The following CDYL variants were observed in gnomAD, a reference collection of about 807,000 sequenced individuals.
The protein encoded by CDYL is chromodomain Y like.
A neutral mutation model predicts 47.3 loss-of-function variants in CDYL; 8 were observed. The ratio of observed to expected loss-of-function variants is 0.17; its 90% CI spans 0.10 to 0.31. The LOEUF is 0.31. Ranked by LOEUF, CDYL falls within the 10% of genes least tolerant of loss-of-function variation. The pLI is 1.00. For synonymous variants in CDYL, 266 were observed against 265.0 expected, an observed-to-expected ratio of 1.00 and a Z score of -0.04; for missense variants, 471 against 701.4, an observed-to-expected ratio of 0.67 and a Z score of 3.71.
At chr6:4,739,212 A>T (rs914197871) in intron 3 of CDYL, among the ~76,000 whole-genome samples, 3 of 150,406 alleles carry the variant, frequency 2.0e-5, no homozygotes, top group African/African-American at 7.4e-5. Flanking sequence ...AAAATAAAAT[A>T]AAATAAAATA....
intron 1 of CDYL, among the ~76,000 whole-genome samples, chr6:4,801,300 A>G (rs1759218419): frequency 6.6e-6 from 1 of 152,126 alleles, no homozygotes; most frequent in Non-Finnish European, 1.5e-5. Context: ...CATGTTTTTC[A>G]GACGTTTTTG....
intron 2 of CDYL, among the ~76,000 whole-genome samples, chr6:4,927,183 C>T (rs564433743): frequency 6.6e-6 from 1 of 152,208 alleles, no homozygotes; most frequent in East Asian, 1.9e-4. Flanking sequence ...AACATATCCT[C>T]ATGTACTTTC....
At position 4,721,374 on chromosome 6, in the gene CDYL, G is replaced by A. The variant is rs537090860; in HGVS notation, c.103+5493G>A. Among the ~76,000 whole-genome samples, 11 of 151,978 alleles carry A rather than the reference G, an allele frequency of 7.2e-5. No homozygotes were observed. In the South Asian group the frequency reaches 1.7e-3, roughly 23 times the overall value. ...ACTTTTCTGGGGGAGGGGAGGGGAG[G>A]GGTGTTGTTTTTCTATTTTTGTTTT... On this transcript the variant is annotated intron_variant, in intron 2 of 8. Coordinates refer to the CDYL transcript ENST00000328908.
chr6:4,715,547 T>G lies in CDYL; in HGVS notation c.-38-194T>G, dbSNP rs139081839. 2.9e-3 allele frequency among the ~76,000 whole-genome samples: 443 copies of G among 152,338 alleles called. 3 individuals carry two copies. Among genetic ancestry groups the G allele is most frequent in the African/African-American group, 9.3e-3 (386 of 41,564 alleles). ...GACTACTTTAAACATTGCTTTTTATTCCTTATCATTTTAAATGTGTTGCTA... is the reference window on the plus strand; with the variant it reads ...GACTACTTTAAACATTGCTTTTTATGCCTTATCATTTTAAATGTGTTGCTA... On this transcript the variant is annotated intron_variant, in intron 1 of 8. Transcript: ENST00000328908.
At chr6:4,716,976 C>G (rs1033159968) in intron 2 of CDYL, among the ~76,000 whole-genome samples, 1 of 152,092 alleles carries the variant, frequency 6.6e-6, no homozygotes, top group African/African-American at 2.4e-5. Context: ...GATTACATCT[C>G]ATTGGGAAAG....
At chr6:4,876,840 T>A (rs1040862654) in intron 1 of CDYL, among the ~76,000 whole-genome samples, 3 of 152,196 alleles carry the variant, frequency 2.0e-5, no homozygotes, top group African/African-American at 7.2e-5. Flanking sequence ...AGAGGTAGAA[T>A]GCTGTGTTCT....
chr6:4,732,744 C>T (rs9405774), intron 2 of CDYL, among the ~76,000 whole-genome samples: 20,122 of 150,718 alleles, frequency 0.13, 1,740 homozygotes, highest in African/African-American at 0.25. Flanking sequence ...TAAGAAAAAA[C>T]AAGGAGAAAG....
intron 1 of CDYL, among the ~76,000 whole-genome samples, chr6:4,783,457 C>T (rs1249050809): frequency 6.7e-6 from 1 of 150,126 alleles, no homozygotes; most frequent in African/African-American, 2.5e-5. Flanking sequence ...ACTCTTGTCG[C>T]CCAGGCTGGA....
chr6:4,860,072 T>G (rs1476199552), intron 1 of CDYL, among the ~76,000 whole-genome samples: 1 of 151,834 alleles, frequency 6.6e-6, no homozygotes, highest in African/African-American at 2.4e-5. Flanking sequence ...CAGCTAATTT[T>G]TTGTATTTTT....
intron 4 of CDYL, among the ~76,000 whole-genome samples, chr6:4,940,895 G>A (rs1172770172): frequency 1.3e-5 from 2 of 152,210 alleles, no homozygotes; most frequent in Non-Finnish European, 1.5e-5. Flanking sequence ...ATTCAAATGA[G>A]AGAGACCTCA....
At chr6:4,792,932 C>A (rs970533110) in intron 1 of CDYL, among the ~76,000 whole-genome samples, 10 of 152,246 alleles carry the variant, frequency 6.6e-5, no homozygotes, top group African/African-American at 2.2e-4. Flanking sequence ...AGTAAATAGA[C>A]CATCTCTCCC....
At position 4,935,780 on chromosome 6, in the gene CDYL, C is replaced by T. The variant is rs73350313; in HGVS notation, c.948+9C>T. 13 of 1,612,538 alleles carry T rather than the reference C, an allele frequency of 8.1e-6. 1 individual carries two copies. Among genetic ancestry groups the T allele is most frequent in the South Asian group, 5.5e-5 (5 of 91,044 alleles). On this transcript the variant is annotated intron_variant, in intron 3 of 6. Coordinates refer to ENST00000397588, the MANE Select transcript of CDYL (RefSeq NM_004824.4). ...ACTCACTAAATCCAGAGGTGAGAGGCGCTCTTGGGCTGGCGTGGGCTTCGC... is the reference window on the plus strand; with the variant it reads ...ACTCACTAAATCCAGAGGTGAGAGGTGCTCTTGGGCTGGCGTGGGCTTCGC...
At chr6:4,724,843 A>C (rs1352992963) in intron 2 of CDYL, 1 of 152,202 alleles carries the variant, frequency 6.6e-6, no homozygotes, top group East Asian at 1.9e-4. Context: ...AGAGCAAAAA[A>C]ATAAAGCTTC....
intron 2 of CDYL, among the ~76,000 whole-genome samples, chr6:4,912,226 G>T (rs1424910206): frequency 4.3e-5 from 1 of 23,380 alleles, no homozygotes; most frequent in Non-Finnish European, 1.0e-4. Context: ...CTGTTTCCAA[G>T]TTGGGAATTT....
At chr6:4,895,663 A>C (rs1437651239) in intron 2 of CDYL, among the ~76,000 whole-genome samples, 1 of 152,034 alleles carries the variant, frequency 6.6e-6, no homozygotes. Context: ...TTTTGGTTGG[A>C]GACCACCTCC....
intron 1 of CDYL, among the ~76,000 whole-genome samples, chr6:4,790,309 T>G (rs1404081246): frequency 6.6e-6 from 1 of 152,246 alleles, no homozygotes; most frequent in African/African-American, 2.4e-5. Context: ...TAATACTATG[T>G]GTAAGTGACC....
intron 1 of CDYL, among the ~76,000 whole-genome samples, chr6:4,808,450 A>G (rs1759433797): frequency 6.6e-6 from 1 of 152,188 alleles, no homozygotes; most frequent in Admixed American, 6.5e-5. Context: ...ACATTTACTC[A>G]TTTGCTCAAC....
In CDYL at chr6:4,814,071, A is replaced by C. The variant is rs142199071; in HGVS notation, c.24+37264A>C. Reference sequence around the variant, plus strand: ...TTGGGATTACAGGATAAGCCACTGCACCTGGCCAAGTATTTTTTATTTCTA... The same window carrying C: ...TTGGGATTACAGGATAAGCCACTGCCCCTGGCCAAGTATTTTTTATTTCTA... On this transcript the variant is annotated intron_variant, in intron 1 of 6. Coordinates refer to ENST00000397588, the MANE Select transcript of CDYL (RefSeq NM_004824.4). Among the ~76,000 whole-genome samples, 622 of 152,066 alleles carry C rather than the reference A, an allele frequency of 4.1e-3. 1 individual carries two copies. The highest frequency in any genetic ancestry group is 0.014 in the African/African-American group (581 of 41,482).
intron 3 of CDYL, among the ~76,000 whole-genome samples, chr6:4,746,184 T>G (rs1247607371): frequency 1.3e-5 from 2 of 151,836 alleles, no homozygotes; most frequent in Non-Finnish European, 2.9e-5. Context: ...ACCAACATGG[T>G]GAAACCCCAT....
Sources: allele counts gnomAD v4.1 joint callset (sites outside exome capture counted in the v4.1 genomes callset), GRCh38; gene constraint gnomAD v4.1.1; transcripts MANE v1.5; gene names NCBI Gene and HGNC (gene_info 2026-07-23, HGNC 2026-07-21).